The following HMCES variants were observed in gnomAD, a reference collection of about 807,000 sequenced individuals.
HMCES encodes 5-hydroxymethylcytosine binding, ES cell specific.
Under a neutral mutation model 35.1 loss-of-function variants are expected in HMCES, and 27 were observed. That is an observed-to-expected ratio of 0.77 (90% CI 0.57 to 1.06). The LOEUF (loss-of-function observed/expected upper bound fraction) is 1.06, where lower values mean the gene tolerates loss of function less well. Ranked by LOEUF, HMCES falls within the 50% of genes least tolerant of loss-of-function variation. HMCES has a pLI of 0.00. For missense variants in HMCES, 391 were observed against 430.4 expected, an observed-to-expected ratio of 0.91 and a Z score of 0.81; for synonymous variants, 130 against 154.7, an observed-to-expected ratio of 0.84 and a Z score of 1.18.
Position 129,288,971 on chromosome 3 carries a change from A to G in HMCES, c.301A>G (p.Thr101Ala), listed in dbSNP as rs1940721282. The G allele has an allele frequency of 2.5e-6, 4 of 1,580,864 alleles. No individual in the cohort carries two copies. In the East Asian group the frequency reaches 6.8e-5, roughly 27 times the overall value. ...QFNTTNCRSD[T>A]VMEKRSFKVP... is the part of the protein sequence containing the mutation. Reference sequence around the variant, plus strand: ...CAATACTACCAACTGTCGTAGTGATACCGTAATGGAGAAACGGTCATTTAA... The same window carrying G: ...CAATACTACCAACTGTCGTAGTGATGCCGTAATGGAGAAACGGTCATTTAA... The change falls in exon 3 of 7, where the codon ACC becomes GCC. Residue 101 changes from threonine to alanine, a missense_variant. Coordinates refer to ENST00000383463, the MANE Select transcript of HMCES (RefSeq NM_020187.3).
intron 4 of HMCES, among the ~76,000 whole-genome samples, chr3:129,294,140 C>T (rs1387448179): frequency 6.6e-6 from 1 of 151,928 alleles, no homozygotes; most frequent in African/African-American, 2.4e-5. Context: ...GTCTTTAGGC[C>T]GGGCGCAGTG....
intron 2 of HMCES, among the ~76,000 whole-genome samples, chr3:129,288,608 G>T (rs1422418265): frequency 1.3e-5 from 2 of 150,816 alleles, no homozygotes; most frequent in Non-Finnish European, 3.0e-5. Context: ...GAGGTGGGAG[G>T]ATGGCTTGAG....
intron 4 of HMCES, among the ~76,000 whole-genome samples, chr3:129,292,685 G>A (rs936482021): frequency 2.6e-5 from 4 of 151,554 alleles, no homozygotes; most frequent in African/African-American, 9.7e-5. Context: ...GTAGAGACGC[G>A]GTGTTAGCCA....
chr3:129,287,097 A>T (rs1940657360), intron 2 of HMCES, among the ~76,000 whole-genome samples: 1 of 152,226 alleles, frequency 6.6e-6, no homozygotes, highest in South Asian at 2.1e-4. Flanking sequence ...AGTCATGCAC[A>T]GGTTTCCTTA....
chr3:129,290,655 T>C, intron 3 of HMCES, 24 bp from the exon 4 acceptor site: 1 of 1,601,248 alleles, frequency 6.2e-7, no homozygotes, highest in Non-Finnish European at 8.5e-7. Flanking sequence ...ACTAAGACCA[T>C]ATCTTGCTCA....
chr3:129,294,184 T>C (rs1218328255), intron 4 of HMCES, among the ~76,000 whole-genome samples: 1 of 151,966 alleles, frequency 6.6e-6, no homozygotes, highest in Non-Finnish European at 1.5e-5. Flanking sequence ...TTTGGGAGGC[T>C]AAGGCGGGCG....
chr3:129,279,905 A>T lies in HMCES; in HGVS notation c.173A>T (p.His58Leu), dbSNP rs938891962. The T allele has an allele frequency of 6.3e-6, 10 of 1,591,170 alleles. No homozygotes were observed. The highest frequency in any genetic ancestry group is 1.7e-4 in the Middle Eastern group (1 of 5,940). Residue 58 changes from histidine to leucine, a missense_variant, in exon 2 of 7, where the codon CAC (histidine) becomes CTC (leucine). By Grantham distance (99) the His-to-Leu change is moderately conservative. Transcript: ENST00000383463. The surrounding 1 kb of genome is among the most constrained non-coding windows in gnomAD (Gnocchi z 4.2). ...SNSPVLLSRL[H>L]FEKDADSSER... ...AGCCCAGTGCTTCTGTCTCGACTGC[A>T]CTTTGAGAAGGTAACCAGCATTGCA...
intron 2 of HMCES, among the ~76,000 whole-genome samples, chr3:129,287,259 G>A (rs919236406): frequency 2.0e-5 from 3 of 151,508 alleles, no homozygotes; most frequent in Non-Finnish European, 4.4e-5. Context: ...GTCCTGCTCC[G>A]TGGTCCAGGT....
chr3:129,302,274 C>A, intron 6 of HMCES, 132 bp downstream of exon 6: 1 of 724,236 alleles, frequency 1.4e-6, no homozygotes, highest in Non-Finnish European at 2.2e-6. Context: ...ACTCCTTGTA[C>A]ACAGCAAGGT....
chr3:129,298,304 A>G, intron 4 of HMCES, 50 bp from the exon 5 acceptor site: 2 of 1,545,096 alleles, frequency 1.3e-6, no homozygotes, highest in Non-Finnish European at 1.8e-6. Context: ...ACCTGCATGT[A>G]GAAGAAGTCT....
rs1355505630 is a variant in HMCES at position 129,290,765 on chromosome 3, G to A, written c.414G>A (p.Gln138=). Residue 138 remains glutamine (Q), a synonymous_variant, in exon 4 of 7, where the codon CAG becomes CAA. Transcript: ENST00000383463. Reference sequence around the variant, plus strand: ...GATGTCAGGGAACAAACCAGAGGCAGCCATACTTCATCTATTTTCCTCAAA... The same window carrying A: ...GATGTCAGGGAACAAACCAGAGGCAACCATACTTCATCTATTTTCCTCAAA... The part of the protein sequence containing the change: ...WQRCQGTNQR[Q]PYFIYFPQIK... The A allele has an allele frequency of 6.2e-7, 1 of 1,613,408 alleles. No homozygotes were observed. Among genetic ancestry groups the A allele is most frequent in the Middle Eastern group, 1.7e-4 (1 of 6,056 alleles).
chr3:129,288,794 A>G (rs1280666819), intron 2 of HMCES, 60 bp from the exon 3 acceptor site: 9 of 1,187,760 alleles, frequency 7.6e-6, no homozygotes, highest in Non-Finnish European at 9.2e-6. Context: ...ATAAATACAT[A>G]TGTTAAATTA....
At chr3:129,281,472 C>A (rs1202556696) in intron 2 of HMCES, among the ~76,000 whole-genome samples, 1 of 151,376 alleles carries the variant, frequency 6.6e-6, no homozygotes, top group East Asian at 2.0e-4. Flanking sequence ...GGCTGGACCA[C>A]CTGAGGTCAG....
intron 2 of HMCES, among the ~76,000 whole-genome samples, chr3:129,285,775 C>T (rs1219306133): frequency 1.3e-5 from 2 of 149,008 alleles, no homozygotes; most frequent in Non-Finnish European, 3.0e-5. Flanking sequence ...CCATCAGAGT[C>T]ATAGAGTGCA....
chr3:129,301,991 G>C lies in HMCES; in HGVS notation c.677G>C (p.Trp226Ser), dbSNP rs770822720. The change falls in exon 6 of 7, where the codon TGG (tryptophan) becomes TCG (serine). Residue 226 changes from tryptophan to serine, a missense_variant. Trp to Ser is a radical substitution (Grantham distance 177). Transcript: ENST00000383463. Reference protein sequence around the residue: ...ILDGEEAVSKWLDFGEVSTQE... With the variant: ...ILDGEEAVSKSLDFGEVSTQE... ...GATGGAGAGGAGGCAGTTTCTAAAT[G>C]GCTTGACTTTGGTGAAGTCTCAACT... 6.2e-7 allele frequency: 1 copy of C among 1,613,986 alleles called. No individual in the cohort carries two copies. The highest frequency in any genetic ancestry group is 8.5e-7 in the Non-Finnish European group (1 of 1,179,954).
chr3:129,287,739 G>A (rs1044465938), intron 2 of HMCES, among the ~76,000 whole-genome samples: 1 of 152,132 alleles, frequency 6.6e-6, no homozygotes, highest in Non-Finnish European at 1.5e-5. Flanking sequence ...TTGAGAGACC[G>A]AGGCAGGAAA....
chr3:129,296,461 A>G (rs1284736024), intron 4 of HMCES, among the ~76,000 whole-genome samples: 3 of 152,124 alleles, frequency 2.0e-5, no homozygotes, highest in African/African-American at 4.8e-5. Flanking sequence ...ATTTTCCACA[A>G]GAGTCTTTGA....
chr3:129,301,416 C>T (rs1466399844), intron 5 of HMCES, among the ~76,000 whole-genome samples: 1 of 137,470 alleles, frequency 7.3e-6, no homozygotes, highest in East Asian at 2.0e-4. Context: ...ACTGTACCAC[C>T]CAAAAAGTGT....
chr3:129,286,233 GTAT>G (rs1940634510), intron 2 of HMCES, among the ~76,000 whole-genome samples: 1 of 152,160 alleles, frequency 6.6e-6, no homozygotes, highest in Non-Finnish European at 1.5e-5. Flanking sequence ...CAAGATGATG[GTAT>G]TAGGAGATAG....
Sources: allele counts gnomAD v4.1 joint callset (sites outside exome capture counted in the v4.1 genomes callset), GRCh38; gene constraint gnomAD v4.1.1; non-coding constraint Gnocchi (gnomAD v3.1); transcripts MANE v1.5; gene names NCBI Gene and HGNC (gene_info 2026-07-23, HGNC 2026-07-21).